The following GSG1L variants were observed in gnomAD, a reference collection of about 807,000 sequenced individuals.
The protein encoded by GSG1L is GSG1 like.
In GSG1L, 24 loss-of-function variants were observed where a neutral mutation model predicts 42.1. The ratio of observed to expected loss-of-function variants is 0.57; its 90% CI spans 0.41 to 0.80. GSG1L has a LOEUF of 0.80. Ranked by LOEUF, GSG1L falls within the 30% of genes least tolerant of loss-of-function variation. The pLI is 0.00. For missense variants in GSG1L, 445 were observed against 472.2 expected, an observed-to-expected ratio of 0.94 and a Z score of 0.53; for synonymous variants, 215 against 203.5, an observed-to-expected ratio of 1.06 and a Z score of -0.48.
At chr16:27,989,837 T>C (rs141928317) in intron 1 of GSG1L, among the ~76,000 whole-genome samples, 1,752 of 152,258 alleles carry the variant, frequency 0.012, 16 homozygotes, top group Non-Finnish European at 0.018. Flanking sequence ...GTGTTATTAA[T>C]ATGTGTCCCA....
At chr16:28,052,063 T>C (rs1567570696) in intron 1 of GSG1L, among the ~76,000 whole-genome samples, 1 of 151,848 alleles carries the variant, frequency 6.6e-6, no homozygotes, top group Non-Finnish European at 1.5e-5. Flanking sequence ...TGCCAATAGA[T>C]TAAATGAGCT....
chr16:27,901,946 G>A (rs977709736), intron 2 of GSG1L, among the ~76,000 whole-genome samples: 2 of 152,138 alleles, frequency 1.3e-5, no homozygotes, highest in Non-Finnish European at 2.9e-5. Context: ...TTCCCCCAGC[G>A]TCACTTGGCC....
chr16:27,882,355 A>G (rs573643610), intron 3 of GSG1L, among the ~76,000 whole-genome samples: 1 of 152,184 alleles, frequency 6.6e-6, no homozygotes, highest in African/African-American at 2.4e-5. Flanking sequence ...GCAGCATGAG[A>G]ATGGACTGAT....
chr16:27,991,529 C>A (rs370246739), intron 1 of GSG1L, among the ~76,000 whole-genome samples: 1 of 151,896 alleles, frequency 6.6e-6, no homozygotes, highest in African/African-American at 2.4e-5. Flanking sequence ...CTCAGCCTCC[C>A]GAGTAGCTGG....
intron 1 of GSG1L, among the ~76,000 whole-genome samples, chr16:28,005,963 G>A (rs1408648946): frequency 3.9e-5 from 6 of 152,134 alleles, no homozygotes; most frequent in East Asian, 1.9e-4. Context: ...GAGATGATCC[G>A]TTATCCAAGT....
chr16:27,911,595 T>C (rs1279738826), intron 2 of GSG1L, among the ~76,000 whole-genome samples: 1 of 152,190 alleles, frequency 6.6e-6, no homozygotes, highest in African/African-American at 2.4e-5. Context: ...GCTGCTTGGC[T>C]GCTGTTTGAA....
At chr16:27,888,887 G>A (rs2084087138) in intron 2 of GSG1L, among the ~76,000 whole-genome samples, 1 of 148,904 alleles carries the variant, frequency 6.7e-6, no homozygotes, top group African/African-American at 2.4e-5. Context: ...CAAAGTGCAG[G>A]GATTACAGGC....
chr16:28,054,291 G>A lies in GSG1L; in HGVS notation c.349+8785C>T, dbSNP rs193017314. Among the ~76,000 whole-genome samples, 628 of 152,222 alleles carry A rather than the reference G, an allele frequency of 4.1e-3. 4 individuals carry two copies. The highest frequency in any genetic ancestry group is 0.014 in the African/African-American group (582 of 41,516). On this transcript the variant is annotated intron_variant, in intron 1 of 6. Coordinates refer to ENST00000447459, the MANE Select transcript of GSG1L (RefSeq NM_001109763.2). ...CTCCCATCCCCAGTCCCCACCATCG[G>A]GGAAGAAGGACGGCCCCTGAGAAGG...
chr16:28,038,286 TC>T (rs11380657), intron 1 of GSG1L, among the ~76,000 whole-genome samples: 75,282 of 151,592 alleles, frequency 0.5, 19,630 homozygotes, highest in East Asian at 0.7. Flanking sequence ...TAGAATTTGA[TC>T]CCCCCCCAAA....
At chr16:27,947,536 T>TGAAG (rs1435573046) in intron 2 of GSG1L, among the ~76,000 whole-genome samples, 4 of 24,432 alleles carry the variant, frequency 1.6e-4, no homozygotes, top group South Asian at 8.3e-4. Flanking sequence ...AAAGAAAGAA[T>TGAAG]GAAGGAAAGA....
chr16:28,032,719 G>C (rs979613167), intron 1 of GSG1L, among the ~76,000 whole-genome samples: 1 of 152,084 alleles, frequency 6.6e-6, no homozygotes, highest in African/African-American at 2.4e-5. Flanking sequence ...CATCTCTTCA[G>C]GCCAAAAATC....
intron 1 of GSG1L, among the ~76,000 whole-genome samples, chr16:27,968,036 G>A (rs1052806616): frequency 2.6e-5 from 4 of 152,070 alleles, no homozygotes; most frequent in African/African-American, 9.7e-5. Context: ...GCCAAATTCA[G>A]ACCAACACCC....
intron 1 of GSG1L, among the ~76,000 whole-genome samples, chr16:28,009,128 T>C (rs1186885671): frequency 1.3e-5 from 2 of 152,178 alleles, no homozygotes; most frequent in African/African-American, 4.8e-5. Flanking sequence ...CTGTTTTAAC[T>C]GCCCAGTTCT....
At chr16:27,941,678 A>T (rs901798144) in intron 2 of GSG1L, among the ~76,000 whole-genome samples, 5 of 151,316 alleles carry the variant, frequency 3.3e-5, no homozygotes, top group African/African-American at 1.2e-4. Context: ...GTATCTTCAC[A>T]ACACACAACA....
intron 3 of GSG1L, among the ~76,000 whole-genome samples, chr16:27,851,055 C>T (rs879841053): frequency 6.6e-6 from 1 of 151,896 alleles, no homozygotes; most frequent in Admixed American, 6.6e-5. Context: ...AGCGAGAGGG[C>T]GATTGTGGAA....
At chr16:27,976,951 C>T (rs920144674) in intron 1 of GSG1L, among the ~76,000 whole-genome samples, 3 of 152,184 alleles carry the variant, frequency 2.0e-5, no homozygotes, top group Admixed American at 6.5e-5. Context: ...CGTATTGTCA[C>T]GTGCTACCCT....
intron 2 of GSG1L, among the ~76,000 whole-genome samples, chr16:27,918,995 T>G (rs531853572): frequency 6.6e-6 from 1 of 152,100 alleles, no homozygotes; most frequent in Non-Finnish European, 1.5e-5. Context: ...ACAATCCTTC[T>G]CCACACAGCT....
At chr16:27,911,824 C>T (rs550950394) in intron 2 of GSG1L, among the ~76,000 whole-genome samples, 2 of 152,260 alleles carry the variant, frequency 1.3e-5, no homozygotes, top group Middle Eastern at 3.4e-3. Context: ...GCCTCAGCCC[C>T]GCTTTACTTT....
At chr16:27,979,766 G>GAAAGA (rs1355239559) in intron 1 of GSG1L, among the ~76,000 whole-genome samples, 1 of 114,534 alleles carries the variant, frequency 8.7e-6, no homozygotes, top group Non-Finnish European at 1.9e-5. Flanking sequence ...AAGAAAGAAA[G>GAAAGA]AAGGAAAGAA....
Sources: gnomAD v4.1 joint callset for allele counts (sites outside exome capture counted in the v4.1 genomes callset) on GRCh38, gnomAD v4.1.1 for gene constraint, MANE v1.5 for transcripts, NCBI Gene and HGNC (gene_info 2026-07-23, HGNC 2026-07-21) for gene names.